RAP1B: variants seen among roughly 807,000 people sequenced by gnomAD.
RAP1B encodes the protein ras-related protein Rap-1b.
A neutral mutation model predicts 27.5 loss-of-function variants in RAP1B; 1 was observed. That is an observed-to-expected ratio of 0.04 (90% CI 0.01 to 0.17). RAP1B has a LOEUF of 0.17. Among genes scored for constraint, RAP1B ranks in the 10% least tolerant of loss-of-function variants. The pLI, the probability that RAP1B is intolerant of heterozygous loss-of-function variation, is 1.00. For synonymous variants in RAP1B, 75 were observed against 73.1 expected, an observed-to-expected ratio of 1.03 and a Z score of -0.13; for missense variants, 84 against 214.8, an observed-to-expected ratio of 0.39 and a Z score of 3.81.
chr12:68,644,398 C>T (rs368493762), intron 1 of RAP1B, among the ~76,000 whole-genome samples: 12 of 151,998 alleles, frequency 7.9e-5, no homozygotes, highest in Admixed American at 2.0e-4. Flanking sequence ...CTGGCTAACG[C>T]GGTGAAACCC....
chr12:68,637,598 T>C (rs1429286900), intron 1 of RAP1B, among the ~76,000 whole-genome samples: 1 of 24,136 alleles, frequency 4.1e-5, no homozygotes, highest in Non-Finnish European at 6.7e-5. Context: ...AAACTCCATC[T>C]CAAAAAAAAA....
At chr12:68,652,919 TTTGA>T (rs1873917651) in intron 4 of RAP1B, among the ~76,000 whole-genome samples, 1 of 152,122 alleles carries the variant, frequency 6.6e-6, no homozygotes, top group African/African-American at 2.4e-5. Context: ...TGTGAAATAT[TTTGA>T]TTGAGCTGGG....
At position 68,627,137 on chromosome 12, in the gene RAP1B, C is replaced by T. The variant is rs1871852522; in HGVS notation, c.-27+16094C>T. On this transcript the variant is annotated intron_variant, in intron 1 of 7. Coordinates refer to ENST00000250559, the MANE Select transcript of RAP1B (RefSeq NM_001010942.3). ...TAACTTGGCCAGTGTGAACCCTGGCCACAGTGCCCTGGGGCTTCCCAAAGG... is the reference window on the plus strand; with the variant it reads ...TAACTTGGCCAGTGTGAACCCTGGCTACAGTGCCCTGGGGCTTCCCAAAGG... The T allele has an allele frequency of 1.9e-6, 3 of 1,580,320 alleles. No individual in the cohort carries two copies. In the South Asian group the frequency reaches 3.3e-5, roughly 17 times the overall value.
At chr12:68,653,091 C>G (rs544950334) in intron 4 of RAP1B, among the ~76,000 whole-genome samples, 2 of 152,240 alleles carry the variant, frequency 1.3e-5, no homozygotes, top group East Asian at 3.9e-4. Flanking sequence ...CACCTGTAGT[C>G]CCAGCTACTC....
intron 1 of RAP1B, among the ~76,000 whole-genome samples, chr12:68,644,731 C>T (rs994852040): frequency 7.1e-6 from 1 of 141,184 alleles, no homozygotes. Flanking sequence ...CTGTGTCGCC[C>T]AGGCTGGAGT....
chr12:68,661,140 G>A lies in RAP1B; in HGVS notation c.*1891G>A, dbSNP rs1565677211. 1 of 152,086 alleles carries A rather than the reference G, an allele frequency of 6.6e-6. No individual in the cohort carries two copies. Among genetic ancestry groups the A allele is most frequent in the African/African-American group, 2.4e-5 (1 of 41,408 alleles). The allele number at this position is 152,086 out of a possible 1,614,324, so 9.4% of individuals were successfully genotyped here. On this transcript the variant is annotated 3_prime_UTR_variant, in exon 8 of 8. Coordinates refer to ENST00000250559, the MANE Select transcript of RAP1B (RefSeq NM_001010942.3). ...TCTGCTAATCCCCTAAATACACGCT[G>A]TTTGAATGATACATTTTTAAAGGCT...
At chr12:68,652,826 A>T (rs1399731587) in intron 4 of RAP1B, among the ~76,000 whole-genome samples, 4 of 152,118 alleles carry the variant, frequency 2.6e-5, no homozygotes, top group African/African-American at 9.7e-5. Flanking sequence ...TAGAAGAAAA[A>T]TTTTCAGTCT....
chr12:68,613,206 A>G (rs1172110489), intron 1 of RAP1B, among the ~76,000 whole-genome samples: 1 of 152,014 alleles, frequency 6.6e-6, no homozygotes, highest in Non-Finnish European at 1.5e-5. Flanking sequence ...CTAAAAATAC[A>G]AAACATAGCC....
chr12:68,648,349 C>T (rs940887612), intron 1 of RAP1B, among the ~76,000 whole-genome samples: 1 of 152,186 alleles, frequency 6.6e-6, no homozygotes, highest in African/African-American at 2.4e-5. Flanking sequence ...TATTTAGGCT[C>T]TGTTGTAACT....
chr12:68,646,855 T>G (rs144028296), intron 1 of RAP1B, among the ~76,000 whole-genome samples: 25 of 152,324 alleles, frequency 1.6e-4, no homozygotes, highest in African/African-American at 5.5e-4. Context: ...ACCTTTTTAT[T>G]TAGTTTTTTC....
intron 4 of RAP1B, 86 bp from the exon 5 acceptor site, chr12:68,654,026 T>C (rs769445614): frequency 8.9e-7 from 1 of 1,119,196 alleles, no homozygotes; most frequent in Non-Finnish European, 1.3e-6. Context: ...GTATTCTTCA[T>C]TGAGCTATAA....
At chr12:68,650,657 A>C in intron 3 of RAP1B, 189 bp downstream of exon 3, 9 of 417,370 alleles carry the variant, frequency 2.2e-5, no homozygotes, top group Non-Finnish European at 3.1e-5. Context: ...CCATACTCTC[A>C]CATATTCACA....
At chr12:68,631,343 T>G (rs558073866) in intron 1 of RAP1B, among the ~76,000 whole-genome samples, 7 of 152,294 alleles carry the variant, frequency 4.6e-5, no homozygotes, top group African/African-American at 1.2e-4. Flanking sequence ...TACCACATAT[T>G]ACTCATATTT....
At chr12:68,626,964 A>T in intron 1 of RAP1B, 1 of 1,521,614 alleles carries the variant, frequency 6.6e-7, no homozygotes, top group Non-Finnish European at 9.0e-7. Flanking sequence ...CTCAGTCACC[A>T]TGTCTTCAAA....
chr12:68,656,598 T>C (rs1390840501), intron 6 of RAP1B, 149 bp downstream of exon 6: 6 of 716,816 alleles, frequency 8.4e-6, no homozygotes, highest in African/African-American at 1.8e-5. Context: ...TAAATGTATC[T>C]ATGTAGTAAA....
intron 1 of RAP1B, among the ~76,000 whole-genome samples, chr12:68,635,765 T>G (rs2135940425): frequency 6.6e-6 from 1 of 152,040 alleles, no homozygotes; most frequent in South Asian, 2.1e-4. Context: ...TACTTAGGCC[T>G]GTTTTTATAA....
chr12:68,645,561 C>G (rs1276148937), intron 1 of RAP1B, among the ~76,000 whole-genome samples: 2 of 152,210 alleles, frequency 1.3e-5, no homozygotes, highest in African/African-American at 4.8e-5. Context: ...CTAAAGATCA[C>G]AAATACGCTA....
rs1017498237 is a variant in RAP1B at position 68,670,587 on chromosome 12, G to A, written c.*11338G>A. ...CCATCAGAAGTCAAAAATGTAAGTC[G>A]AAAATGCATTTAATACCCTGATAAA... is the stretch of plus-strand genomic sequence containing the variant. On this transcript the variant is annotated 3_prime_UTR_variant, in exon 8 of 8. Transcript: ENST00000250559. 6 of 152,056 alleles carry A rather than the reference G, an allele frequency of 3.9e-5. No individual in the cohort carries two copies. Among genetic ancestry groups the A allele is most frequent in the African/African-American group, 7.2e-5 (3 of 41,404 alleles). The allele number at this position is 152,056 out of a possible 1,614,324, so 9.4% of individuals were successfully genotyped here.
At chr12:68,632,771 C>T (rs745673564) in intron 1 of RAP1B, among the ~76,000 whole-genome samples, 1 of 152,082 alleles carries the variant, frequency 6.6e-6, no homozygotes, top group Non-Finnish European at 1.5e-5. Context: ...CTTAACTCTC[C>T]TTTTTACAAA....
Sources: allele counts gnomAD v4.1 joint callset (sites outside exome capture counted in the v4.1 genomes callset), GRCh38; gene constraint gnomAD v4.1.1; transcripts MANE v1.5; gene names NCBI Gene and HGNC (gene_info 2026-07-23, HGNC 2026-07-21).